PLPPR1: variants seen among roughly 807,000 people sequenced by gnomAD.
The protein encoded by PLPPR1 is phospholipid phosphatase-related protein type 1.
PLPPR1 carries 10 observed loss-of-function variants against 33.1 expected under a neutral mutation model. The observed-to-expected ratio is 0.30, with a 90% CI of 0.19 to 0.51. PLPPR1 has a LOEUF of 0.51. PLPPR1 is among the 20% of genes least tolerant of loss of function. PLPPR1 has a pLI of 0.97. For missense variants in PLPPR1, 304 were observed against 408.1 expected (o/e 0.74, Z 2.20); for synonymous variants, 151 against 151.0 (o/e 1.00, Z 0.00).
intron 1 of PLPPR1, among the ~76,000 whole-genome samples, chr9:101,157,057 A>AATAGGTTATTAT (rs1266835669): frequency 6.6e-6 from 1 of 152,212 alleles, no homozygotes; most frequent in African/African-American, 2.4e-5. Flanking sequence ...AAGGAACATA[A>AATAGGTTATTAT]ATAGGTTATT....
intron 4 of PLPPR1, among the ~76,000 whole-genome samples, chr9:101,306,319 C>T (rs1212875210): frequency 6.6e-6 from 1 of 152,192 alleles, no homozygotes; most frequent in Non-Finnish European, 1.5e-5. Flanking sequence ...AGGCTTGACA[C>T]CAGCCTGAGG....
chr9:101,049,024 C>T (rs775710178), intron 1 of PLPPR1, among the ~76,000 whole-genome samples: 2 of 152,146 alleles, frequency 1.3e-5, no homozygotes, highest in Non-Finnish European at 2.9e-5. Flanking sequence ...GAAATAAAAG[C>T]TCTAGATATC....
At chr9:101,164,518 A>G (rs1274858941) in intron 1 of PLPPR1, among the ~76,000 whole-genome samples, 1 of 151,932 alleles carries the variant, frequency 6.6e-6, no homozygotes, top group Non-Finnish European at 1.5e-5. Context: ...GCACACCACC[A>G]TGGACAGCTA....
chr9:101,053,421 T>C (rs1830246884), intron 1 of PLPPR1, among the ~76,000 whole-genome samples: 1 of 152,232 alleles, frequency 6.6e-6, no homozygotes, highest in Non-Finnish European at 1.5e-5. Flanking sequence ...GTGTCCACTG[T>C]CAACTCTTCT....
At chr9:101,315,722 A>G (rs1037870256) in intron 6 of PLPPR1, among the ~76,000 whole-genome samples, 3 of 152,178 alleles carry the variant, frequency 2.0e-5, no homozygotes, top group Non-Finnish European at 4.4e-5. Flanking sequence ...AACACACCTC[A>G]CAGACACACA....
intron 2 of PLPPR1, among the ~76,000 whole-genome samples, chr9:101,235,320 C>A: frequency 6.6e-6 from 1 of 151,816 alleles, no homozygotes; most frequent in Admixed American, 6.6e-5. Flanking sequence ...ACAGGGAGAA[C>A]TGTTTAATTT....
chr9:101,111,577 G>A (rs1831058125), intron 1 of PLPPR1, among the ~76,000 whole-genome samples: 1 of 152,036 alleles, frequency 6.6e-6, no homozygotes, highest in South Asian at 2.1e-4. Flanking sequence ...ATGCAATTTG[G>A]TATGATTTGT....
chr9:101,062,316 T>C (rs1214427856), intron 1 of PLPPR1, among the ~76,000 whole-genome samples: 1 of 152,024 alleles, frequency 6.6e-6, no homozygotes, highest in Non-Finnish European at 1.5e-5. Context: ...AGAAAGAAGG[T>C]AATTTTTAAA....
In PLPPR1 at chr9:101,306,490, A is replaced by G. The variant is rs184863230; in HGVS notation, c.386-2721A>G. Among the ~76,000 whole-genome samples the G allele has an allele frequency of 2.6e-3, 391 of 152,256 alleles. 2 individuals are homozygous for G. The highest frequency in any genetic ancestry group is 9.2e-3 in the African/African-American group (381 of 41,548). On this transcript the variant is annotated intron_variant, in intron 4 of 7. Coordinates refer to ENST00000374874, the MANE Select transcript of PLPPR1 (RefSeq NM_207299.2). ...CAGGTTGTAGCTCTTGATCTTCCAA[A>G]CCAAGCATATTCAGAATTCTGAACA...
chr9:101,191,206 G>C (rs1203234225), intron 2 of PLPPR1, among the ~76,000 whole-genome samples: 1 of 152,136 alleles, frequency 6.6e-6, no homozygotes, highest in Non-Finnish European at 1.5e-5. Flanking sequence ...TGCTGAGCCA[G>C]ACAAAAGCTA....
intron 2 of PLPPR1, among the ~76,000 whole-genome samples, chr9:101,258,022 G>C (rs1827832293): frequency 6.6e-6 from 1 of 152,004 alleles, no homozygotes; most frequent in African/African-American, 2.4e-5. Context: ...TTAGAACAAG[G>C]GAAAGGCTAA....
chr9:101,232,991 C>T (rs903097922), intron 2 of PLPPR1, among the ~76,000 whole-genome samples: 14 of 152,036 alleles, frequency 9.2e-5, no homozygotes, highest in African/African-American at 2.9e-4. Flanking sequence ...GATCCAATCA[C>T]CGAAACTTCC....
At chr9:101,275,862 G>T (rs998069125) in intron 3 of PLPPR1, among the ~76,000 whole-genome samples, 2 of 152,128 alleles carry the variant, frequency 1.3e-5, no homozygotes, top group Non-Finnish European at 1.5e-5. Context: ...AAGTGTGCGC[G>T]CATGCATTAC....
intron 3 of PLPPR1, among the ~76,000 whole-genome samples, chr9:101,275,307 A>C (rs1308608578): frequency 6.6e-6 from 1 of 152,216 alleles, no homozygotes; most frequent in East Asian, 1.9e-4. Flanking sequence ...CCCCATTCAC[A>C]ATTGCAGGGA....
chr9:101,299,433 C>G (rs1410117455), intron 4 of PLPPR1, among the ~76,000 whole-genome samples: 2 of 152,184 alleles, frequency 1.3e-5, no homozygotes, highest in Non-Finnish European at 2.9e-5. Context: ...TTGCTTGGGT[C>G]TCAAGAAATT....
chr9:101,302,810 G>A (rs1393375154), intron 4 of PLPPR1, among the ~76,000 whole-genome samples: 2 of 152,034 alleles, frequency 1.3e-5, no homozygotes, highest in African/African-American at 2.4e-5. Context: ...TGGACATCAC[G>A]GTAGAAAAGC....
intron 2 of PLPPR1, among the ~76,000 whole-genome samples, chr9:101,244,885 A>G (rs990947161): frequency 1.3e-5 from 2 of 152,024 alleles, no homozygotes; most frequent in African/African-American, 2.4e-5. Context: ...GAAAAATAGA[A>G]TGCAAAAAAA....
intron 1 of PLPPR1, among the ~76,000 whole-genome samples, chr9:101,113,246 C>T (rs2118579306): frequency 6.7e-6 from 1 of 150,238 alleles, no homozygotes; most frequent in South Asian, 2.1e-4. Context: ...TTTTAGTAGC[C>T]TCCAGTGTGA....
At chr9:101,190,949 G>A (rs1404339914) in intron 2 of PLPPR1, among the ~76,000 whole-genome samples, 1 of 152,126 alleles carries the variant, frequency 6.6e-6, no homozygotes, top group Non-Finnish European at 1.5e-5. Flanking sequence ...CCAAATCCTT[G>A]AATGACAGAC....
Sources: allele counts gnomAD v4.1 joint callset (sites outside exome capture counted in the v4.1 genomes callset), GRCh38; gene constraint gnomAD v4.1.1; transcripts MANE v1.5; gene names NCBI Gene and HGNC (gene_info 2026-07-23, HGNC 2026-07-21).